The following TWIST2 variants were observed in gnomAD, a reference collection of about 807,000 sequenced individuals.
TWIST2 encodes twist family bHLH transcription factor 2, also known as twist-related protein 2.
Under a neutral mutation model 11.6 loss-of-function variants are expected in TWIST2, and 1 was observed. That is an observed-to-expected ratio of 0.09 (90% CI 0.03 to 0.41). TWIST2 has a LOEUF of 0.41. Among genes scored for constraint, TWIST2 ranks in the 10% least tolerant of loss-of-function variants. The probability of loss-of-function intolerance (pLI) is 0.98; values close to 1 mark genes in which losing one functional copy is unlikely to be tolerated. For synonymous variants in TWIST2, 87 were observed against 96.6 expected (o/e 0.90, Z 0.58); for missense variants, 168 against 226.4 (o/e 0.74, Z 1.66).
At chr2:238,873,875 C>T (rs1215990143) in intron 1 of TWIST2, among the ~76,000 whole-genome samples, 5 of 152,182 alleles carry the variant, frequency 3.3e-5, no homozygotes, top group Non-Finnish European at 5.9e-5. Flanking sequence ...TCTCCTTTAC[C>T]GTCCCTGCCT....
In TWIST2 at chr2:238,866,697, C is replaced by A. The variant is rs1437921537; in HGVS notation, c.*35+17964C>A. Among the ~76,000 whole-genome samples, 3 of 152,144 alleles carry A rather than the reference C, an allele frequency of 2.0e-5. No homozygotes were observed. The highest frequency in any genetic ancestry group is 4.4e-5 in the Non-Finnish European group (3 of 68,028). ...AAGCACGGCGCCTTCATGTTCCATG[C>A]CTTCACGCTGCTCTCCCTTGACTGG... On this transcript the variant is annotated intron_variant, in intron 1 of 1. Coordinates refer to ENST00000612363, the MANE Select transcript of TWIST2 (RefSeq NM_001271893.4). The surrounding 1 kb of genome is among the most constrained non-coding windows in gnomAD (Gnocchi z 4.9).
chr2:238,870,300 C>CA (rs1370134420), intron 1 of TWIST2, among the ~76,000 whole-genome samples: 1 of 432 alleles, frequency 2.3e-3, no homozygotes, highest in Non-Finnish European at 7.1e-3. Context: ...CCACACACCC[C>CA]CACACACCCC....
In TWIST2 at chr2:238,867,370, AACACACAC is replaced by A. The variant is rs1229428285; in HGVS notation, c.*35+18672_*35+18679del. ...CTGGGGAGTAAAATGTCCTGCCTTCAACACACACACACACACACACACACACACACACA... is the reference window on the plus strand; with the variant it reads ...CTGGGGAGTAAAATGTCCTGCCTTCAACACACACACACACACACACACACA... On this transcript the variant is annotated intron_variant, in intron 1 of 1. Coordinates refer to ENST00000612363, the MANE Select transcript of TWIST2 (RefSeq NM_001271893.4). The surrounding 1 kb of genome is among the most constrained non-coding windows in gnomAD (Gnocchi z 4.8). Among the ~76,000 whole-genome samples the A allele has an allele frequency of 8.7e-4, 104 of 119,738 alleles. 1 individual carries two copies. The South Asian group carries it at 0.011, about 13-fold the overall frequency. 78.6% of individuals were successfully genotyped at this position (119,738 alleles called of 152,430 possible).
In TWIST2 at chr2:238,848,364, G is replaced by C. The variant is rs1456353774; in HGVS notation, c.149G>C (p.Arg50Pro). 1 of 1,534,732 alleles carries C rather than the reference G, an allele frequency of 6.5e-7. No homozygotes were observed. Among genetic ancestry groups the C allele is most frequent in the East Asian group, 2.4e-5 (1 of 40,852 alleles). The change falls in exon 1 of 2, where the codon CGC becomes CCC. Residue 50 changes from arginine (R) to proline (P), a missense_variant. By Grantham distance (103) the Arg-to-Pro change is moderately radical. Transcript: ENST00000612363. ...GATGGCAGCCCGACCCCGGGCAAGC[G>C]CGGCAAGAAGGGCAGCCCCAGCGCG... ...SEDGSPTPGKRGKKGSPSAQS... is the reference protein window; with the variant it reads ...SEDGSPTPGKPGKKGSPSAQS...
At chr2:238,861,387 C>T (rs1692432451) in intron 1 of TWIST2, among the ~76,000 whole-genome samples, 2 of 152,192 alleles carry the variant, frequency 1.3e-5, no homozygotes, top group African/African-American at 4.8e-5. Flanking sequence ...CCATGTCCAG[C>T]CTGTGCTCTG....
At chr2:238,870,145 T>TACACACC (rs1692625974) in intron 1 of TWIST2, among the ~76,000 whole-genome samples, 1 of 14,972 alleles carries the variant, frequency 6.7e-5, no homozygotes, top group Non-Finnish European at 1.3e-4. Flanking sequence ...CCACACCCCA[T>TACACACC]ACACACCACA....
intron 1 of TWIST2, among the ~76,000 whole-genome samples, chr2:238,889,955 T>C (rs77326938): frequency 2.0e-4 from 13 of 64,972 alleles, no homozygotes; most frequent in South Asian, 5.1e-4. Context: ...GCTGCCTGGG[T>C]GGAGGCTGCC....
intron 1 of TWIST2, among the ~76,000 whole-genome samples, chr2:238,872,953 G>A (rs1692734858): frequency 6.6e-6 from 1 of 152,168 alleles, no homozygotes; most frequent in African/African-American, 2.4e-5. Context: ...ACATAAGAAT[G>A]ACTAGAATCT....
Position 238,867,562 on chromosome 2 carries a change from A to G in TWIST2, c.*35+18829A>G, listed in dbSNP as rs568382003. Reference sequence around the variant, plus strand: ...GAGTTGTGGCTGGGAACCCTTTGATAAACAGGAAAGAATATTTTCACTTTG... The same window carrying G: ...GAGTTGTGGCTGGGAACCCTTTGATGAACAGGAAAGAATATTTTCACTTTG... On this transcript the variant is annotated intron_variant, in intron 1 of 1. Transcript: ENST00000612363. This position sits in a 1 kb window ranked among gnomAD's most constrained non-coding sequence, Gnocchi z 4.8. Among the ~76,000 whole-genome samples the G allele has an allele frequency of 1.1e-3, 164 of 152,146 alleles. No individual in the cohort carries two copies. Among genetic ancestry groups the G allele is most frequent in the Non-Finnish European group, 1.6e-3 (109 of 68,004 alleles).
At chr2:238,868,842 G>A (rs550248820) in intron 1 of TWIST2, among the ~76,000 whole-genome samples, 116 of 152,346 alleles carry the variant, frequency 7.6e-4, no homozygotes, top group South Asian at 2.3e-3. Flanking sequence ...GCTGCGTGCC[G>A]GCCGGTGCAG....
chr2:238,869,945 C>T (rs1303951369), intron 1 of TWIST2, among the ~76,000 whole-genome samples: 1 of 151,686 alleles, frequency 6.6e-6, no homozygotes, highest in Admixed American at 6.6e-5. Flanking sequence ...GACTGTGTCT[C>T]AAAACAAACA....
At chr2:238,894,248 C>G (rs1324134359) in intron 1 of TWIST2, among the ~76,000 whole-genome samples, 1 of 152,210 alleles carries the variant, frequency 6.6e-6, no homozygotes, top group Non-Finnish European at 1.5e-5. Context: ...GTGAACTGCC[C>G]TTCAGGGTGT....
intron 1 of TWIST2, among the ~76,000 whole-genome samples, chr2:238,907,459 C>T (rs1253184389): frequency 6.6e-6 from 1 of 152,136 alleles, no homozygotes; most frequent in East Asian, 1.9e-4. Context: ...CTCTGGGTAG[C>T]GCCTGAGCGG....
chr2:238,866,152 A>G lies in TWIST2; in HGVS notation c.*35+17419A>G, dbSNP rs1324060422. ...CCCCATTTCACCTGCTGCCAGCAGG[A>G]TGGCCAGGCCTGCCAGGCACCGCCC... On this transcript the variant is annotated intron_variant, in intron 1 of 1. Coordinates refer to ENST00000612363, the MANE Select transcript of TWIST2 (RefSeq NM_001271893.4). This position sits in a 1 kb window ranked among gnomAD's most constrained non-coding sequence, Gnocchi z 4.9. Among the ~76,000 whole-genome samples, 1 of 152,186 alleles carries G rather than the reference A, an allele frequency of 6.6e-6. No homozygotes were observed. Among genetic ancestry groups the G allele is most frequent in the Admixed American group, 6.5e-5 (1 of 15,280 alleles).
At chr2:238,871,418 A>C in intron 1 of TWIST2, among the ~76,000 whole-genome samples, 3 of 50,418 alleles carry the variant, frequency 6.0e-5, no homozygotes, top group Admixed American at 2.2e-4. Flanking sequence ...CACACACACC[A>C]CAACCCCACA....
intron 1 of TWIST2, among the ~76,000 whole-genome samples, chr2:238,881,183 GTATT>G (rs1243865660): frequency 1.4e-4 from 16 of 115,522 alleles, no homozygotes; most frequent in African/African-American, 6.2e-4. Context: ...ATTAGTGTTA[GTATT>G]TATTAGTATT....
At chr2:238,879,903 T>C (rs1290218798) in intron 1 of TWIST2, among the ~76,000 whole-genome samples, 1 of 152,224 alleles carries the variant, frequency 6.6e-6, no homozygotes, top group East Asian at 1.9e-4. Context: ...AGATAGTTTA[T>C]GTGGAGGATC....
chr2:238,884,288 C>T (rs1002101723), intron 1 of TWIST2, among the ~76,000 whole-genome samples: 3 of 152,200 alleles, frequency 2.0e-5, no homozygotes, highest in African/African-American at 7.2e-5. Flanking sequence ...GACTCTGAGT[C>T]AGGGCTCTCC....
chr2:238,892,003 T>C (rs1260683913), intron 1 of TWIST2, among the ~76,000 whole-genome samples: 1 of 152,172 alleles, frequency 6.6e-6, no homozygotes, highest in South Asian at 2.1e-4. Context: ...TGACCACTTA[T>C]CCCTTCCTCT....
Sources: allele counts gnomAD v4.1 joint callset (sites outside exome capture counted in the v4.1 genomes callset), GRCh38; gene constraint gnomAD v4.1.1; non-coding constraint Gnocchi (gnomAD v3.1); transcripts MANE v1.5; gene names NCBI Gene and HGNC (gene_info 2026-07-23, HGNC 2026-07-21).